Variants in VAMP7 observed in about 807,000 individuals in gnomAD.
VAMP7 encodes the protein vesicle-associated membrane protein 7.
VAMP7 carries 14 observed loss-of-function variants against 29.6 expected under a neutral mutation model. The ratio of observed to expected loss-of-function variants is 0.47; its 90% CI spans 0.31 to 0.74. The LOEUF (loss-of-function observed/expected upper bound fraction) is 0.74. Among genes scored for constraint, VAMP7 ranks in the 30% least tolerant of loss-of-function variants. The pLI is 0.05. For synonymous variants in VAMP7, 95 were observed against 88.1 expected (o/e 1.08, Z -0.44); for missense variants, 223 against 262.4 (o/e 0.85, Z 1.04).
intron 2 of VAMP7, among the ~76,000 whole-genome samples, 185 bp from the exon 3 acceptor site, chrX:155,895,438 G>A (rs2065974845): frequency 6.6e-6 from 1 of 152,084 alleles, no homozygotes; most frequent in Non-Finnish European, 1.5e-5. Context: ...TATTTCTTAT[G>A]TACTTCTATC....
chrX:155,883,449 G>C (rs1397723251), intron 1 of VAMP7, among the ~76,000 whole-genome samples: 1 of 152,214 alleles, frequency 6.6e-6, no homozygotes, highest in African/African-American at 2.4e-5. Context: ...ATCTGCTCAT[G>C]ATACAGGGGT....
rs561939483 is a variant in VAMP7, at chrX:155,883,967, C to G, written c.-10+2519C>G. ...CTGACCTCAGGTGATCCACCTCGGC[C>G]TCCCAAAGTGCTGGGATTACAGGCA... On this transcript the variant is annotated intron_variant, in intron 1 of 7. Transcript: ENST00000286448. Among the ~76,000 whole-genome samples, 34 of 151,852 alleles carry G rather than the reference C, an allele frequency of 2.2e-4. No homozygotes were observed. In the East Asian group the frequency reaches 6.4e-3, roughly 29 times the overall value.
At chrX:155,909,670 T>A (rs1305409296) in intron 5 of VAMP7, among the ~76,000 whole-genome samples, 1 of 152,194 alleles carries the variant, frequency 6.6e-6, no homozygotes, top group African/African-American at 2.4e-5. Context: ...TTCTCACATT[T>A]CTGGAGGCTA....
intron 6 of VAMP7, among the ~76,000 whole-genome samples, chrX:155,936,989 TTA>T (rs2066669399): frequency 6.6e-6 from 1 of 152,106 alleles, no homozygotes; most frequent in Non-Finnish European, 1.5e-5. Flanking sequence ...GAAAGATACC[TTA>T]TGTTTATGGA....
At chrX:155,905,479 C>T (rs1473031875) in intron 5 of VAMP7, among the ~76,000 whole-genome samples, 3 of 152,022 alleles carry the variant, frequency 2.0e-5, no homozygotes, top group Non-Finnish European at 2.9e-5. Flanking sequence ...AAGAAACTGT[C>T]GCCTAAGCCA....
intron 3 of VAMP7, among the ~76,000 whole-genome samples, chrX:155,897,879 G>C (rs895343997): frequency 6.6e-6 from 1 of 152,122 alleles, no homozygotes; most frequent in African/African-American, 2.4e-5. Context: ...TCAATGACCA[G>C]ATATATCTGG....
At position 155,942,246 on chromosome X, in the gene VAMP7, A is replaced by T; in HGVS notation, c.*295A>T. 7.1e-7 allele frequency: 1 copy of T among 1,408,026 alleles called. No homozygotes were observed. Among genetic ancestry groups the T allele is most frequent in the Non-Finnish European group, 9.5e-7 (1 of 1,057,028 alleles). 87.2% of individuals were successfully genotyped at this position (1,408,026 alleles called of 1,614,324 possible). Reference sequence around the variant, plus strand: ...TATTTAGAGAAACATTTTTGTTTTTAATTGCTCAAAGCTGTCGCCGCTAGT... The same window carrying T: ...TATTTAGAGAAACATTTTTGTTTTTTATTGCTCAAAGCTGTCGCCGCTAGT... On this transcript the variant is annotated 3_prime_UTR_variant, in exon 8 of 8. Coordinates refer to ENST00000286448, the MANE Select transcript of VAMP7 (RefSeq NM_005638.6).
At chrX:155,886,992 G>C (rs934792534) in intron 1 of VAMP7, among the ~76,000 whole-genome samples, 3 of 152,088 alleles carry the variant, frequency 2.0e-5, no homozygotes, top group Non-Finnish European at 4.4e-5. Flanking sequence ...TCTTATCTCT[G>C]TTTCTCTTTG....
intron 5 of VAMP7, 93 bp from the exon 6 acceptor site, chrX:155,919,720 G>A (rs1302127777): frequency 2.4e-5 from 26 of 1,104,974 alleles, no homozygotes; most frequent in Non-Finnish European, 3.5e-5. Flanking sequence ...CCCCAGGACA[G>A]TGTATTCATT....
At chrX:155,907,498 G>A (rs963040998) in intron 5 of VAMP7, among the ~76,000 whole-genome samples, 2 of 132,184 alleles carry the variant, frequency 1.5e-5, no homozygotes, top group Non-Finnish European at 3.3e-5. Flanking sequence ...CTGCCTTCAA[G>A]CATCTGTTTA....
chrX:155,882,404 G>A (rs1452904268), intron 1 of VAMP7, among the ~76,000 whole-genome samples: 2 of 152,136 alleles, frequency 1.3e-5, no homozygotes, highest in Non-Finnish European at 1.5e-5. Context: ...TTGAAAGGAT[G>A]GGATCCTATC....
chrX:155,903,920 G>T (rs192477796), intron 5 of VAMP7, among the ~76,000 whole-genome samples: 15 of 152,034 alleles, frequency 9.9e-5, no homozygotes, highest in African/African-American at 3.6e-4. Flanking sequence ...GTTTATAGCG[G>T]CAGTATTCAC....
chrX:155,884,166 T>G (rs2065838853), intron 1 of VAMP7, among the ~76,000 whole-genome samples: 1 of 152,090 alleles, frequency 6.6e-6, no homozygotes, highest in Non-Finnish European at 1.5e-5. Flanking sequence ...TTGCTCTTGT[T>G]ACCCAGGCTG....
intron 6 of VAMP7, among the ~76,000 whole-genome samples, chrX:155,930,870 C>T (rs1293363090): frequency 6.6e-6 from 1 of 151,946 alleles, no homozygotes; most frequent in Non-Finnish European, 1.5e-5. Flanking sequence ...CTCCCACCAC[C>T]CCACAACAGG....
chrX:155,885,985 A>G (rs1217091953), intron 1 of VAMP7, among the ~76,000 whole-genome samples: 1 of 152,348 alleles, frequency 6.6e-6, no homozygotes, highest in East Asian at 1.9e-4. Context: ...GGAATAAAGT[A>G]GAATTGGGAT....
rs781498681 is a variant in VAMP7 at position 155,937,365 on chromosome X, A to C, written c.502-2336A>C. Among the ~76,000 whole-genome samples the C allele has an allele frequency of 3.9e-5, 6 of 152,328 alleles. No individual in the cohort carries two copies. In the East Asian group the frequency reaches 1.2e-3, roughly 29 times the overall value. ...TACAGCATGGCAACTATAGTTAATA[A>C]TAATGTATTGAATATTTGAAATATG... is the stretch of plus-strand genomic sequence containing the variant. On this transcript the variant is annotated intron_variant, in intron 6 of 7. Coordinates refer to ENST00000286448, the MANE Select transcript of VAMP7 (RefSeq NM_005638.6).
rs184923297 is a variant in VAMP7, at chrX:155,888,408, C to T, written c.-9-1050C>T. ...GAGTTTGAATTTTTAGCAAATGACTCATACTCTGCCACACAAGATGATTCG... is the reference window on the plus strand; with the variant it reads ...GAGTTTGAATTTTTAGCAAATGACTTATACTCTGCCACACAAGATGATTCG... On this transcript the variant is annotated intron_variant, in intron 1 of 7. Transcript: ENST00000286448. Among the ~76,000 whole-genome samples, 795 of 152,312 alleles carry T rather than the reference C, an allele frequency of 5.2e-3. 4 individuals carry two copies. The highest frequency in any genetic ancestry group is 8.7e-3 in the Admixed American group (133 of 15,302).
chrX:155,937,618 T>A (rs779305996), intron 6 of VAMP7, among the ~76,000 whole-genome samples: 13 of 152,310 alleles, frequency 8.5e-5, no homozygotes, highest in African/African-American at 2.9e-4. Flanking sequence ...GTCTGAAATG[T>A]TACTAAAAGT....
At chrX:155,913,109 A>C (rs1351066120) in intron 5 of VAMP7, among the ~76,000 whole-genome samples, 3 of 151,890 alleles carry the variant, frequency 2.0e-5, no homozygotes, top group Non-Finnish European at 4.4e-5. Flanking sequence ...TTTGATTTGC[A>C]TTTCTCTAAT....
Sources: gnomAD v4.1 joint callset for allele counts (sites outside exome capture counted in the v4.1 genomes callset) on GRCh38, gnomAD v4.1.1 for gene constraint, MANE v1.5 for transcripts, NCBI Gene and HGNC (gene_info 2026-07-23, HGNC 2026-07-21) for gene names.